CADPS: variants seen among roughly 807,000 people sequenced by gnomAD.
CADPS encodes the protein calcium dependent secretion activator.
A neutral mutation model predicts 167.3 loss-of-function variants in CADPS; 57 were observed. The observed-to-expected ratio is 0.34, with a 90% CI of 0.28 to 0.42. The LOEUF (loss-of-function observed/expected upper bound fraction) is 0.42. Among genes scored for constraint, CADPS ranks in the 20% least tolerant of loss-of-function variants. CADPS has a pLI of 1.00. For missense variants in CADPS, 1,414 were observed against 1,738.1 expected (o/e 0.81, Z 3.32); for synonymous variants, 676 against 635.3 (o/e 1.06, Z -0.96).
chr3:62,437,549 T>C (rs2055380287), intron 28 of CADPS, among the ~76,000 whole-genome samples: 2 of 152,206 alleles, frequency 1.3e-5, no homozygotes, highest in South Asian at 4.1e-4. Context: ...GGGGGCGCCA[T>C]GGTTTAAAGC....
chr3:62,748,212 G>C (rs1395874464), intron 3 of CADPS, among the ~76,000 whole-genome samples: 1 of 148,300 alleles, frequency 6.7e-6, no homozygotes, highest in African/African-American at 2.5e-5. Flanking sequence ...CGGGCATGGT[G>C]GCAGGCACCT....
chr3:62,851,988 T>C (rs1261426357), intron 1 of CADPS, among the ~76,000 whole-genome samples: 3 of 149,734 alleles, frequency 2.0e-5, no homozygotes, highest in Non-Finnish European at 4.5e-5. Context: ...TTATTCTTTT[T>C]TCTCTAAACT....
intron 13 of CADPS, among the ~76,000 whole-genome samples, chr3:62,525,771 A>G (rs2072000897): frequency 6.6e-6 from 1 of 151,950 alleles, no homozygotes; most frequent in African/African-American, 2.4e-5. Context: ...AGTTAGAGTG[A>G]AAGAAAAAAA....
intron 29 of CADPS, among the ~76,000 whole-genome samples, 174 bp downstream of exon 29, chr3:62,402,907 G>C (rs1038622843): frequency 2.0e-5 from 3 of 152,200 alleles, no homozygotes; most frequent in African/African-American, 7.2e-5. Context: ...TCCCTTTGCT[G>C]TCTGAGTAAC....
chr3:62,404,086 A>G (rs1707438165), intron 28 of CADPS: 1 of 152,234 alleles, frequency 6.6e-6, no homozygotes, highest in Non-Finnish European at 1.5e-5. Context: ...CAGTATAAAA[A>G]AAAATCTAAT....
chr3:62,562,299 T>C (rs1025854022), intron 9 of CADPS, among the ~76,000 whole-genome samples: 1 of 152,166 alleles, frequency 6.6e-6, no homozygotes, highest in Non-Finnish European at 1.5e-5. Context: ...AGACTCCTGA[T>C]TGGCACTGAA....
At chr3:62,565,058 G>C (rs1307803524) in intron 9 of CADPS, among the ~76,000 whole-genome samples, 1 of 152,202 alleles carries the variant, frequency 6.6e-6, no homozygotes, top group East Asian at 1.9e-4. Flanking sequence ...CTATCCAGCA[G>C]TGCTCTATGG....
At chr3:62,559,517 G>A (rs2078770735) in intron 9 of CADPS, among the ~76,000 whole-genome samples, 1 of 150,998 alleles carries the variant, frequency 6.6e-6, no homozygotes, top group Non-Finnish European at 1.5e-5. Flanking sequence ...TTTTTTAGAT[G>A]GAGTTTTCTT....
rs146313384 is a variant in CADPS at position 62,475,241 on chromosome 3, G to C, written c.3330-921C>G. On this transcript the variant is annotated intron_variant, in intron 23 of 29. Coordinates refer to ENST00000383710, the MANE Select transcript of CADPS (RefSeq NM_003716.4). The stretch of plus-strand genomic sequence containing the variant: ...AATACAGGTGGGAGATCTTATCCTT[G>C]ACATCAGCATTGTAAAAGGGGCCTA... 5.3e-5 allele frequency among the ~76,000 whole-genome samples: 8 copies of C among 152,256 alleles called. No individual in the cohort carries two copies. In the East Asian group the frequency reaches 1.5e-3, roughly 29 times the overall value.
chr3:62,759,292 G>A (rs1195042248), intron 2 of CADPS, among the ~76,000 whole-genome samples: 3 of 152,166 alleles, frequency 2.0e-5, no homozygotes, highest in Non-Finnish European at 2.9e-5. Flanking sequence ...GTGATATTAT[G>A]CCTGCAAGTT....
intron 1 of CADPS, among the ~76,000 whole-genome samples, chr3:62,853,329 G>A (rs1159987794): frequency 6.6e-6 from 1 of 152,090 alleles, no homozygotes; most frequent in Non-Finnish European, 1.5e-5. Flanking sequence ...ATATTCTTGT[G>A]AGAAACCATC....
intron 6 of CADPS, among the ~76,000 whole-genome samples, chr3:62,627,451 A>G (rs1210309679): frequency 6.6e-6 from 1 of 152,130 alleles, no homozygotes; most frequent in Non-Finnish European, 1.5e-5. Context: ...TTAGAAAGCA[A>G]ATAAGACCTA....
At position 62,465,874 on chromosome 3, in the gene CADPS, T is replaced by A. The variant is rs959672130; in HGVS notation, c.3553-424A>T. ...GAAGTTTAGCACTGGCAAATATAAA[T>A]GTCTTCCCATTCAGCATTACTTAGT... is the stretch of plus-strand genomic sequence containing the variant. On this transcript the variant is annotated intron_variant, in intron 25 of 29. Coordinates refer to ENST00000383710, the MANE Select transcript of CADPS (RefSeq NM_003716.4). This position sits in a 1 kb window ranked among gnomAD's most constrained non-coding sequence, Gnocchi z 4.1. Among the ~76,000 whole-genome samples, 1 of 152,246 alleles carries A rather than the reference T, an allele frequency of 6.6e-6. No homozygotes were observed. The highest frequency in any genetic ancestry group is 1.5e-5 in the Non-Finnish European group (1 of 68,036).
At chr3:62,671,080 G>A (rs1236636597) in intron 3 of CADPS, among the ~76,000 whole-genome samples, 1 of 152,166 alleles carries the variant, frequency 6.6e-6, no homozygotes, top group Non-Finnish European at 1.5e-5. Flanking sequence ...GCCTCTGTCT[G>A]TGCCCTTATT....
chr3:62,767,053 A>G (rs11720923), intron 1 of CADPS, among the ~76,000 whole-genome samples: 2 of 152,064 alleles, frequency 1.3e-5, no homozygotes, highest in African/African-American at 2.4e-5. Flanking sequence ...GTATCTTTTC[A>G]TTGGTTCTAA....
At chr3:62,441,830 A>G (rs1379697904) in intron 27 of CADPS, among the ~76,000 whole-genome samples, 1 of 152,162 alleles carries the variant, frequency 6.6e-6, no homozygotes, top group Non-Finnish European at 1.5e-5. Flanking sequence ...CTGGCAAGTG[A>G]CCTGGGCATT....
At chr3:62,804,600 T>A (rs933025168) in intron 1 of CADPS, among the ~76,000 whole-genome samples, 1 of 151,410 alleles carries the variant, frequency 6.6e-6, no homozygotes, top group African/African-American at 2.4e-5. Flanking sequence ...AGAGCTGCAG[T>A]AACAACATGT....
At chr3:62,799,833 A>G (rs1241052329) in intron 1 of CADPS, among the ~76,000 whole-genome samples, 2 of 152,270 alleles carry the variant, frequency 1.3e-5, no homozygotes, top group South Asian at 2.1e-4. Context: ...GTGATTATCC[A>G]TGATATTTCT....
chr3:62,727,933 C>T (rs563422140), intron 3 of CADPS, among the ~76,000 whole-genome samples: 1 of 151,964 alleles, frequency 6.6e-6, no homozygotes, highest in East Asian at 1.9e-4. Flanking sequence ...TAAGAAATGA[C>T]ACAAACTCAA....
Sources: gnomAD v4.1 joint callset for allele counts (sites outside exome capture counted in the v4.1 genomes callset) on GRCh38, gnomAD v4.1.1 for gene constraint, Gnocchi (gnomAD v3.1) non-coding constraint, MANE v1.5 for transcripts, NCBI Gene and HGNC (gene_info 2026-07-23, HGNC 2026-07-21) for gene names.